The following ESR1 variants were observed in gnomAD, a reference collection of about 807,000 sequenced individuals.
ESR1 encodes estrogen receptor 1.
Under a neutral mutation model 52.7 loss-of-function variants are expected in ESR1, and 12 were observed. That is an observed-to-expected ratio of 0.23 (90% confidence interval 0.15 to 0.37). The LOEUF (loss-of-function observed/expected upper bound fraction) is 0.37, where lower values mean the gene tolerates loss of function less well. Ranked by LOEUF, ESR1 falls within the 10% of genes least tolerant of loss-of-function variation. The probability of loss-of-function intolerance (pLI) is 1.00; values close to 1 mark genes in which losing one functional copy is unlikely to be tolerated. For missense variants in ESR1, 584 were observed against 779.7 expected (o/e 0.75, Z 2.99); for synonymous variants, 305 against 316.8 (o/e 0.96, Z 0.39).
At chr6:151,903,494 C>T (rs894744042) in intron 3 of ESR1, among the ~76,000 whole-genome samples, 1 of 152,226 alleles carries the variant, frequency 6.6e-6, no homozygotes, top group Non-Finnish European at 1.5e-5. Flanking sequence ...CTCTACCTCA[C>T]CTCCAGTTCT....
chr6:151,667,123 G>A (rs1562318275), intron 1 of ESR1, among the ~76,000 whole-genome samples: 2 of 152,308 alleles, frequency 1.3e-5, no homozygotes, highest in South Asian at 2.1e-4. Context: ...TGGATAACTA[G>A]AGCCTCCCTT....
chr6:151,700,668 CTTTTTTTTTTTT>C (rs34905961), intron 1 of ESR1, among the ~76,000 whole-genome samples: 2 of 117,224 alleles, frequency 1.7e-5, no homozygotes, highest in East Asian at 2.4e-4. Flanking sequence ...TTAAACTTTC[CTTTTTTTTTTTT>C]TTTTTTTTTT....
intron 4 of ESR1, among the ~76,000 whole-genome samples, chr6:151,969,046 T>C (rs1413048498): frequency 1.3e-5 from 2 of 152,050 alleles, no homozygotes; most frequent in Admixed American, 6.6e-5. Flanking sequence ...TATTGGGCAG[T>C]AGGGAAGGAC....
chr6:151,857,050 G>A (rs1360561492), intron 2 of ESR1, among the ~76,000 whole-genome samples: 2 of 152,114 alleles, frequency 1.3e-5, no homozygotes, highest in African/African-American at 2.4e-5. Flanking sequence ...TAAACACTTT[G>A]TGTGTGCGTG....
At chr6:152,104,926 T>C (rs373384905), downstream of ESR1, among the ~76,000 whole-genome samples, 3 of 152,010 alleles carry the variant, frequency 2.0e-5, no homozygotes, top group South Asian at 6.2e-4. Context: ...GTTGAATAGA[T>C]CATCAGTGGC....
At chr6:152,073,368 G>A (rs925337603) in intron 6 of ESR1, among the ~76,000 whole-genome samples, 2 of 152,066 alleles carry the variant, frequency 1.3e-5, no homozygotes, top group African/African-American at 2.4e-5. Flanking sequence ...ACCAAATTAC[G>A]AAAGTAATGC....
At chr6:151,748,544 A>G (rs1562375518) in intron 2 of ESR1, among the ~76,000 whole-genome samples, 2 of 152,162 alleles carry the variant, frequency 1.3e-5, no homozygotes, top group Non-Finnish European at 1.5e-5. Flanking sequence ...ATGCGCATCC[A>G]CAAGACATAC....
intron 1 of ESR1, among the ~76,000 whole-genome samples, chr6:151,810,722 G>A (rs1399737782): frequency 1.3e-5 from 2 of 152,126 alleles, no homozygotes; most frequent in Non-Finnish European, 2.9e-5. Context: ...GATAAGTTTT[G>A]TTTCCTGAAA....
intron 2 of ESR1, among the ~76,000 whole-genome samples, chr6:151,713,738 T>G (rs1015106890): frequency 6.6e-6 from 1 of 152,312 alleles, no homozygotes; most frequent in East Asian, 1.9e-4. Context: ...TTCTTCTTTA[T>G]TAGTCTGGCT....
chr6:151,840,793 AG>A (rs1483593419), intron 1 of ESR1, among the ~76,000 whole-genome samples: 1 of 152,220 alleles, frequency 6.6e-6, no homozygotes, highest in East Asian at 1.9e-4. Flanking sequence ...AAATGTTCAC[AG>A]GAACCTTCAC....
intron 2 of ESR1, among the ~76,000 whole-genome samples, chr6:151,765,528 C>A (rs1477570248): frequency 6.6e-6 from 1 of 152,180 alleles, no homozygotes; most frequent in Non-Finnish European, 1.5e-5. Flanking sequence ...CTCTCGTTAG[C>A]CATGCTATTG....
At chr6:151,997,916 C>T (rs1045346166) in intron 4 of ESR1, among the ~76,000 whole-genome samples, 17 of 151,852 alleles carry the variant, frequency 1.1e-4, no homozygotes, top group African/African-American at 3.4e-4. Flanking sequence ...AGGGAAAGAG[C>T]GCTTAGAGGT....
intron 5 of ESR1, among the ~76,000 whole-genome samples, chr6:152,020,436 T>TAGA (rs2043539094): frequency 6.6e-6 from 1 of 152,126 alleles, no homozygotes; most frequent in African/African-American, 2.4e-5. Context: ...CAACAGTTCT[T>TAGA]ATTTTTTCCT....
intron 2 of ESR1, among the ~76,000 whole-genome samples, chr6:151,869,136 A>G (rs1583823620): frequency 6.6e-6 from 1 of 152,162 alleles, no homozygotes; most frequent in Admixed American, 6.5e-5. Flanking sequence ...TTGCGAGATC[A>G]TTTTCCTCTT....
At chr6:151,976,967 G>T (rs1290010184) in intron 4 of ESR1, among the ~76,000 whole-genome samples, 1 of 152,088 alleles carries the variant, frequency 6.6e-6, no homozygotes, top group Non-Finnish European at 1.5e-5. Flanking sequence ...AAGTCTTTAA[G>T]AATTTATTTA....
chr6:151,933,009 A>C (rs2033878656), intron 3 of ESR1, among the ~76,000 whole-genome samples: 1 of 152,094 alleles, frequency 6.6e-6, no homozygotes, highest in Non-Finnish European at 1.5e-5. Flanking sequence ...TGGTAGCTTG[A>C]TGGGGATGGC....
Position 151,963,727 on chromosome 6 carries a change from G to A in ESR1, c.1096+19219G>A, listed in dbSNP as rs560889661. On this transcript the variant is annotated intron_variant, in intron 4 of 7. Coordinates refer to ENST00000206249, the MANE Select transcript of ESR1 (RefSeq NM_000125.4). Reference sequence around the variant, plus strand: ...TTGCTTTTGTTGCCTGTGCATTCAAGGTTGTATCCAAAGAACTCATTGCCC... The same window carrying A: ...TTGCTTTTGTTGCCTGTGCATTCAAAGTTGTATCCAAAGAACTCATTGCCC... Among the ~76,000 whole-genome samples the A allele has an allele frequency of 7.2e-4, 109 of 152,248 alleles. 1 individual carries two copies. The highest frequency in any genetic ancestry group is 6.8e-3 in the Middle Eastern group (2 of 294).
intron 2 of ESR1, among the ~76,000 whole-genome samples, chr6:151,748,218 C>T (rs891694750): frequency 2.0e-5 from 3 of 152,138 alleles, no homozygotes; most frequent in Non-Finnish European, 4.4e-5. Context: ...AAAATTGAAA[C>T]ATGCAGAAAG....
chr6:151,792,856 C>T (rs1472832406), intron 2 of ESR1, among the ~76,000 whole-genome samples: 1 of 152,140 alleles, frequency 6.6e-6, no homozygotes, highest in Non-Finnish European at 1.5e-5. Context: ...ATTCTATAAG[C>T]TTTTTTCTGT....
Sources: gnomAD v4.1 joint callset for allele counts (sites outside exome capture counted in the v4.1 genomes callset) on GRCh38, gnomAD v4.1.1 for gene constraint, MANE v1.5 for transcripts, NCBI Gene and HGNC (gene_info 2026-07-23, HGNC 2026-07-21) for gene names.